KRT72: variants seen among roughly 807,000 people sequenced by gnomAD.
The protein encoded by KRT72 is keratin, type II cytoskeletal 72.
KRT72 carries 44 observed loss-of-function variants against 44.7 expected under a neutral mutation model. The ratio of observed to expected loss-of-function variants is 0.98; its 90% confidence interval spans 0.77 to 1.27. The LOEUF is 1.27. Ranked by LOEUF, KRT72 falls within the 50% of genes most tolerant of loss-of-function variation. The probability of loss-of-function intolerance (pLI) is 0.00; values close to 1 mark genes in which losing one functional copy is unlikely to be tolerated. For missense variants in KRT72, 736 were observed against 667.1 expected (o/e 1.10, Z -1.14); for synonymous variants, 302 against 280.4 (o/e 1.08, Z -0.77).
Position 52,586,097 on chromosome 12 carries a change from C to T in KRT72, c.1421G>A (p.Ser474Asn). The change falls in exon 9 of 9, where the codon AGC (serine) becomes AAC (asparagine). Residue 474 changes from serine (S) to asparagine (N), a missense_variant. Physicochemically the swap from Ser to Asn is conservative, Grantham distance 46. Transcript: ENST00000293745. ...SMGFGASSSY[S>N]YKTAAADVKT... ...GACGTCTGCAGCTGCAGTTTTGTAG[C>T]TATAACTGCTTGAGGCGCCAAAGCC... 1.9e-6 allele frequency: 3 copies of T among 1,614,180 alleles called. No individual in the cohort carries two copies. Among genetic ancestry groups the T allele is most frequent in the Non-Finnish European group, 2.5e-6 (3 of 1,180,018 alleles).
In KRT72 at chr12:52,591,435, G is replaced by A. The variant is rs370711828; in HGVS notation, c.963+29C>T. ...TGAGAGGGTGCTAGCTGTGGCCAGT[G>A]GGACTCAGCACACCTGGCACCAGCT... On this transcript the variant is annotated intron_variant, in intron 5 of 8. Coordinates refer to ENST00000293745, the MANE Select transcript of KRT72 (RefSeq NM_080747.3). 13 of 1,606,038 alleles carry A rather than the reference G, an allele frequency of 8.1e-6. No individual in the cohort carries two copies. The African/African-American group carries it at 1.7e-4, about 21-fold the overall frequency.
intron 2 of KRT72, among the ~76,000 whole-genome samples, chr12:52,593,979 A>G (rs1940146497): frequency 6.6e-6 from 1 of 152,244 alleles, no homozygotes; most frequent in Non-Finnish European, 1.5e-5. Context: ...GCACAACATT[A>G]TGAATGTATT....
intron 8 of KRT72, 97 bp from the exon 9 acceptor site, chr12:52,586,269 C>T (rs375701538): frequency 5.4e-5 from 52 of 957,048 alleles, no homozygotes; most frequent in Middle Eastern, 3.3e-4. Context: ...TACTCTCGCC[C>T]GCAGTGGCTT....
At chr12:52,590,106 A>C (rs992265600) in intron 6 of KRT72, among the ~76,000 whole-genome samples, 10 of 152,074 alleles carry the variant, frequency 6.6e-5, no homozygotes, top group Non-Finnish European at 1.5e-4. Flanking sequence ...GGGAGCTGAG[A>C]GCCTTAAACC....
At chr12:52,587,889 C>T (rs1388412994) in intron 6 of KRT72, 38 bp from the exon 7 acceptor site, 12 of 1,587,284 alleles carry the variant, frequency 7.6e-6, no homozygotes, top group Non-Finnish European at 1.0e-5. Context: ...AGAGTCAGAG[C>T]CCAGTTCTGA....
chr12:52,593,013 A>T (rs1940107890), intron 2 of KRT72, 61 bp from the exon 3 acceptor site: 2 of 1,490,446 alleles, frequency 1.3e-6, no homozygotes, highest in Middle Eastern at 1.7e-4. Flanking sequence ...ACAGTTAGTG[A>T]CCACCTCTGT....
At chr12:52,598,181 G>A (rs933114695) in intron 2 of KRT72, among the ~76,000 whole-genome samples, 1 of 152,208 alleles carries the variant, frequency 6.6e-6, no homozygotes, top group Non-Finnish European at 1.5e-5. Flanking sequence ...CCTTCCTTAG[G>A]TTCTCCATGC....
intron 6 of KRT72, among the ~76,000 whole-genome samples, chr12:52,588,668 A>G (rs1939880442): frequency 6.6e-6 from 1 of 152,182 alleles, no homozygotes; most frequent in Admixed American, 6.5e-5. Context: ...TGTACCCTAG[A>G]ACTTAAAACC....
upstream of KRT72, among the ~76,000 whole-genome samples, chr12:52,601,941 T>C (rs561534306): frequency 6.6e-6 from 1 of 152,262 alleles, no homozygotes; most frequent in Admixed American, 6.5e-5. Context: ...CCTTAGCCTG[T>C]CCTCCTCCTG....
In KRT72 at chr12:52,591,518, G is replaced by T. The variant is rs112771714; in HGVS notation, c.909C>A (p.Tyr303Ter). The T allele has an allele frequency of 6.2e-6, 10 of 1,614,096 alleles. No individual in the cohort carries two copies. The East Asian group carries it at 2.2e-4, about 36-fold the overall frequency. The change falls in exon 5 of 9, where the codon TAC becomes TAA. Residue 303 changes from tyrosine to a stop codon, truncating the protein, a stop_gained. Transcript: ENST00000293745. LOFTEE classifies it high-confidence loss of function. ...DSIIAEVRAQ[Y>*]EEIALKSKAE... ...CCTTGCTCTTTAGGGCAATCTCCTC[G>T]TACTGGGCACGGACCTCGGCAATGA... is the stretch of plus-strand genomic sequence containing the variant.
At chr12:52,587,026 C>T (rs368212400) in intron 7 of KRT72, 46 bp from the exon 8 acceptor site, 3 of 1,579,756 alleles carry the variant, frequency 1.9e-6, no homozygotes, top group Non-Finnish European at 2.6e-6. Flanking sequence ...TAAATAATCA[C>T]CCCAACCACC....
chr12:52,595,107 A>G lies in KRT72; in HGVS notation c.642-2155T>C, dbSNP rs974161368. ...TTTATATCTATTTCCTAAAATACAT[A>G]GAAAACTTTTGACCAAGTGGGCTAT... On this transcript the variant is annotated intron_variant, in intron 2 of 8. Coordinates refer to ENST00000293745, the MANE Select transcript of KRT72 (RefSeq NM_080747.3). Among the ~76,000 whole-genome samples the G allele has an allele frequency of 8.3e-4, 127 of 152,224 alleles. 1 individual carries two copies. The highest frequency in any genetic ancestry group is 8.3e-3 in the Admixed American group (127 of 15,288).
intron 1 of KRT72, among the ~76,000 whole-genome samples, chr12:52,600,280 T>A (rs1940376542): frequency 6.6e-6 from 1 of 152,146 alleles, no homozygotes; most frequent in Non-Finnish European, 1.5e-5. Context: ...TCCTGCAACG[T>A]CTCTTGGCCT....
chr12:52,589,811 G>A (rs1019577843), intron 6 of KRT72, among the ~76,000 whole-genome samples: 3 of 152,172 alleles, frequency 2.0e-5, no homozygotes, highest in Admixed American at 6.5e-5. Context: ...TAATAACTTC[G>A]TCCAACCATA....
chr12:52,597,203 T>G (rs1336083477), intron 2 of KRT72, among the ~76,000 whole-genome samples: 1 of 152,210 alleles, frequency 6.6e-6, no homozygotes, highest in Non-Finnish European at 1.5e-5. Context: ...ATTTTTTAAC[T>G]GTGAAATGTT....
rs371580397 is a variant in KRT72, at chr12:52,599,093, T to C, written c.446A>G (p.Gln149Arg). Residue 149 changes from glutamine to arginine, a missense_variant, in exon 2 of 9, where the codon CAG becomes CGG. Transcript: ENST00000293745. ...FIDKVRFLEQQNQVLETKWNL... is the reference protein window; with the variant it reads ...FIDKVRFLEQRNQVLETKWNL... Reference sequence around the variant, plus strand: ...CCACTTGGTCTCTAGCACCTGATTCTGCTGCTCCAGGAACCGCACCTGGAA... The same window carrying C: ...CCACTTGGTCTCTAGCACCTGATTCCGCTGCTCCAGGAACCGCACCTGGAA... 12 of 1,614,158 alleles carry C rather than the reference T, an allele frequency of 7.4e-6. No homozygotes were observed. The East Asian group carries it at 8.9e-5, about 12-fold the overall frequency.
At chr12:52,602,133 A>G (rs1324675328), upstream of KRT72, among the ~76,000 whole-genome samples, 1 of 152,160 alleles carries the variant, frequency 6.6e-6, no homozygotes, top group Non-Finnish European at 1.5e-5. Context: ...TTCTCCACTA[A>G]GCATTTCTGG....
chr12:52,586,961 T>C lies in KRT72; in HGVS notation c.1330A>G (p.Asn444Asp), dbSNP rs760928485. The C allele has an allele frequency of 6.2e-7, 1 of 1,614,020 alleles. No homozygotes were observed. Among genetic ancestry groups the C allele is most frequent in the South Asian group, 1.1e-5 (1 of 91,054 alleles). ...EECRMSGEYP[N>D]SVSISVISST... Reference sequence around the variant, plus strand: ...AGATACTTACAGATGCTCACAGAATTTGGATATTCGCCAGACATCCTGAAG... The same window carrying C: ...AGATACTTACAGATGCTCACAGAATCTGGATATTCGCCAGACATCCTGAAG... The change falls in exon 8 of 9, where the codon AAT becomes GAT. Residue 444 changes from asparagine to aspartate, a missense_variant. Asn to Asp is a conservative substitution (Grantham distance 23, BLOSUM62 1). Coordinates refer to ENST00000293745, the MANE Select transcript of KRT72 (RefSeq NM_080747.3).
rs1378407991 is a variant in KRT72 at position 52,592,961 on chromosome 12, G to C, written c.642-9C>G. On this transcript the variant is annotated splice_polypyrimidine_tract_variant and intron_variant, in intron 2 of 8. Transcript: ENST00000293745. ...TAATCTCCACCTCATACCTGCATGG[G>C]GCAAGACAATGAGGTAATTCAGTTC... 1 of 1,611,718 alleles carries C rather than the reference G, an allele frequency of 6.2e-7. No homozygotes were observed. Among genetic ancestry groups the C allele is most frequent in the South Asian group, 1.1e-5 (1 of 90,670 alleles).
Sources: gnomAD v4.1 joint callset for allele counts (sites outside exome capture counted in the v4.1 genomes callset) on GRCh38, gnomAD v4.1.1 for gene constraint, MANE v1.5 for transcripts, NCBI Gene and HGNC (gene_info 2026-07-23, HGNC 2026-07-21) for gene names.